The following ADGRL2 variants were observed in gnomAD, a reference collection of about 807,000 sequenced individuals.
ADGRL2 encodes the protein calcium-independent alpha-latrotoxin receptor 2.
In ADGRL2, 44 loss-of-function variants were observed where a neutral mutation model predicts 157.4. That is an observed-to-expected ratio of 0.28 (90% confidence interval 0.22 to 0.36). The LOEUF is 0.36. Among genes scored for constraint, ADGRL2 ranks in the 10% least tolerant of loss-of-function variants. The probability of loss-of-function intolerance (pLI) is 1.00; values close to 1 mark genes in which losing one functional copy is unlikely to be tolerated. For synonymous variants in ADGRL2, 585 were observed against 624.7 expected (o/e 0.94, Z 0.95); for missense variants, 1,510 against 1,768.9 (o/e 0.85, Z 2.63).
At chr1:81,934,763 GTTA>G (rs1159752781) in intron 3 of ADGRL2, among the ~76,000 whole-genome samples, 5 of 151,952 alleles carry the variant, frequency 3.3e-5, no homozygotes, top group Non-Finnish European at 4.4e-5. Context: ...TGGTTGAGTA[GTTA>G]TAAAATGTAT....
chr1:81,801,736 G>T (rs2088185107), intron 1 of ADGRL2, among the ~76,000 whole-genome samples: 1 of 152,164 alleles, frequency 6.6e-6, no homozygotes, highest in Admixed American at 6.5e-5. Flanking sequence ...GCGCTCGGGG[G>T]GCTGAGGGGC....
At chr1:81,769,065 A>G (rs2086251064) in intron 2 of ADGRL2, among the ~76,000 whole-genome samples, 1 of 151,166 alleles carries the variant, frequency 6.6e-6, no homozygotes, top group Non-Finnish European at 1.5e-5. Flanking sequence ...TCTGGGCGAC[A>G]GAGTGAGACT....
At chr1:81,918,255 G>A (rs1036364712) in intron 3 of ADGRL2, among the ~76,000 whole-genome samples, 1 of 152,108 alleles carries the variant, frequency 6.6e-6, no homozygotes, top group Admixed American at 6.6e-5. Context: ...TGACATAAAT[G>A]TGCAAAGCCA....
chr1:81,312,993 G>GA (rs1340847183), intron 1 of ADGRL2, among the ~76,000 whole-genome samples: 4 of 152,134 alleles, frequency 2.6e-5, no homozygotes, highest in Non-Finnish European at 4.4e-5. Flanking sequence ...TCCTTAAATG[G>GA]AAAAAATACC....
At chr1:81,384,377 G>T (rs2076398619) in intron 1 of ADGRL2, among the ~76,000 whole-genome samples, 1 of 152,132 alleles carries the variant, frequency 6.6e-6, no homozygotes, top group African/African-American at 2.4e-5. Flanking sequence ...ACGCATGTTT[G>T]TGACTAGAAA....
chr1:81,460,078 G>A (rs2077894520), intron 2 of ADGRL2, among the ~76,000 whole-genome samples: 1 of 151,888 alleles, frequency 6.6e-6, no homozygotes, highest in East Asian at 1.9e-4. Context: ...GTTTTGATTT[G>A]TATTTCCCTG....
intron 2 of ADGRL2, chr1:81,502,765 C>T (rs1026335437): frequency 8.1e-6 from 13 of 1,613,282 alleles, no homozygotes; most frequent in African/African-American, 5.3e-5. Context: ...CAGGGAGAGC[C>T]GGCGGCCCAG....
chr1:81,812,762 G>T (rs185295959), intron 1 of ADGRL2, among the ~76,000 whole-genome samples: 1 of 151,828 alleles, frequency 6.6e-6, no homozygotes, highest in East Asian at 1.9e-4. Flanking sequence ...ACAGAAAAAC[G>T]ATCGCTTTGG....
chr1:81,603,023 A>G (rs879331437), intron 3 of ADGRL2, among the ~76,000 whole-genome samples: 1 of 152,208 alleles, frequency 6.6e-6, no homozygotes, highest in African/African-American at 2.4e-5. Flanking sequence ...TAGAAGGTCA[A>G]TGACTGAGTG....
rs182943231 is a variant in ADGRL2 at position 81,376,983 on chromosome 1, T to G, written c.-301-68053T>G. Among the ~76,000 whole-genome samples the G allele has an allele frequency of 3.7e-3, 564 of 152,168 alleles. 2 individuals are homozygous for G. The highest frequency in any genetic ancestry group is 0.012 in the African/African-American group (503 of 41,492). On this transcript the variant is annotated intron_variant, in intron 1 of 24. Transcript: ENST00000370721. ...GGGAGGATCACTTGAGTCCAGGAGT[T>G]TTGAGCCCAGACTGAGCCAAAAAGC...
intron 3 of ADGRL2, among the ~76,000 whole-genome samples, chr1:81,604,597 C>T (rs543078965): frequency 6.6e-6 from 1 of 152,220 alleles, no homozygotes; most frequent in African/African-American, 2.4e-5. Context: ...TGAAAGATTT[C>T]CTGGGATACA....
chr1:81,559,996 A>C (rs2080404019), intron 2 of ADGRL2, among the ~76,000 whole-genome samples: 2 of 152,180 alleles, frequency 1.3e-5, no homozygotes, highest in Non-Finnish European at 2.9e-5. Context: ...AAAAGATCAA[A>C]ATATTATGAT....
At chr1:81,388,450 T>TTC (rs112501828) in intron 1 of ADGRL2, among the ~76,000 whole-genome samples, 138,800 of 152,114 alleles carry the variant, frequency 0.91, 63,625 homozygotes, top group East Asian at 0.96. Context: ...CTTTCATTTT[T>TTC]TCTTTTTCTC....
chr1:81,378,305 A>G (rs992351496), intron 1 of ADGRL2, among the ~76,000 whole-genome samples: 1 of 152,076 alleles, frequency 6.6e-6, no homozygotes, highest in Non-Finnish European at 1.5e-5. Flanking sequence ...AATCCCAGAT[A>G]CTCGGGAGTC....
intron 2 of ADGRL2, among the ~76,000 whole-genome samples, chr1:81,487,616 G>A (rs1017179051): frequency 2.0e-5 from 3 of 151,956 alleles, no homozygotes; most frequent in African/African-American, 2.4e-5. Context: ...CTGAACTCCA[G>A]GCTGGGAGAC....
chr1:81,491,667 T>A (rs1301241855), intron 2 of ADGRL2, among the ~76,000 whole-genome samples: 4 of 152,144 alleles, frequency 2.6e-5, no homozygotes, highest in African/African-American at 9.7e-5. Flanking sequence ...GAAATCTTAT[T>A]TCCACAGGGA....
intron 3 of ADGRL2, 90 bp downstream of exon 3, chr1:81,907,320 C>A: frequency 9.6e-7 from 1 of 1,044,190 alleles, no homozygotes; most frequent in Non-Finnish European, 1.5e-6. Context: ...TGGATATAGA[C>A]CACATCCCAG....
chr1:81,655,269 A>G (rs566143977), intron 3 of ADGRL2, among the ~76,000 whole-genome samples: 4 of 152,154 alleles, frequency 2.6e-5, no homozygotes, highest in African/African-American at 7.2e-5. Flanking sequence ...CAAAGTGCTG[A>G]GATTACAGGC....
chr1:81,617,161 C>T lies in ADGRL2; in HGVS notation c.-143+36181C>T, dbSNP rs534395594. Among the ~76,000 whole-genome samples the T allele has an allele frequency of 1.5e-4, 23 of 152,360 alleles. No individual in the cohort carries two copies. In the South Asian group the frequency reaches 3.9e-3, roughly 26 times the overall value. On this transcript the variant is annotated intron_variant, in intron 3 of 24. Coordinates refer to the ADGRL2 transcript ENST00000370721. ...TGGCAGGAGGTGAACTTCTATGAGCCGGCATTGCTGCCTGAGCTCCACCTC... is the reference window on the plus strand; with the variant it reads ...TGGCAGGAGGTGAACTTCTATGAGCTGGCATTGCTGCCTGAGCTCCACCTC...
Sources: allele counts gnomAD v4.1 joint callset (sites outside exome capture counted in the v4.1 genomes callset), GRCh38; gene constraint gnomAD v4.1.1; transcripts MANE v1.5; gene names NCBI Gene and HGNC (gene_info 2026-07-23, HGNC 2026-07-21).